GLI3: variants seen among roughly 807,000 people sequenced by gnomAD.
GLI3 encodes GLI family zinc finger 3.
In GLI3, 20 loss-of-function variants were observed where a neutral mutation model predicts 100.8. The observed-to-expected ratio is 0.20, with a 90% CI of 0.14 to 0.29. GLI3 has a LOEUF of 0.29. Among genes scored for constraint, GLI3 ranks in the 10% least tolerant of loss-of-function variants. GLI3 has a pLI of 1.00. For synonymous variants in GLI3, 938 were observed against 860.5 expected (o/e 1.09, Z -1.58); for missense variants, 2,040 against 2,128.5 (o/e 0.96, Z 0.82).
rs568484990 is a variant in GLI3 at position 42,059,505 on chromosome 7, A to G, written c.474-10809T>C. 3.6e-4 allele frequency among the ~76,000 whole-genome samples: 54 copies of G among 150,782 alleles called. No homozygotes were observed. The South Asian group carries it at 0.011, about 31-fold the overall frequency. Reference sequence around the variant, plus strand: ...AATTACAAATTATAAATTAATTAATATAATAAAAATAAATATAATTCATTA... The same window carrying G: ...AATTACAAATTATAAATTAATTAATGTAATAAAAATAAATATAATTCATTA... On this transcript the variant is annotated intron_variant, in intron 4 of 14. Coordinates refer to ENST00000395925, the MANE Select transcript of GLI3 (RefSeq NM_000168.6).
intron 2 of GLI3, among the ~76,000 whole-genome samples, chr7:42,189,815 A>G (rs1276652041): frequency 2.0e-5 from 3 of 152,188 alleles, no homozygotes; most frequent in African/African-American, 7.2e-5. Context: ...AGGATGAATC[A>G]TTTCCTTTCT....
intron 2 of GLI3, among the ~76,000 whole-genome samples, chr7:42,176,513 C>T (rs1421817451): frequency 6.6e-6 from 1 of 152,136 alleles, no homozygotes; most frequent in Non-Finnish European, 1.5e-5. Flanking sequence ...CAAACAGATG[C>T]CCAGAGAGGC....
chr7:42,149,822 T>A (rs1019912192), intron 2 of GLI3, among the ~76,000 whole-genome samples: 2 of 152,220 alleles, frequency 1.3e-5, no homozygotes, highest in African/African-American at 4.8e-5. Context: ...AACATAAGAA[T>A]AATGCTTTAG....
At chr7:42,135,414 T>A (rs1242313846) in intron 3 of GLI3, among the ~76,000 whole-genome samples, 1 of 152,226 alleles carries the variant, frequency 6.6e-6, no homozygotes, top group African/African-American at 2.4e-5. Context: ...ACATGTATCT[T>A]TATCTCACAG....
chr7:41,971,975 T>C (rs1787374472), intron 13 of GLI3, among the ~76,000 whole-genome samples: 3 of 152,220 alleles, frequency 2.0e-5, no homozygotes, highest in Admixed American at 2.0e-4. Flanking sequence ...ATATGGGCCA[T>C]GGCCTATTTA....
chr7:41,967,978 G>C (rs1276306748), intron 13 of GLI3, 55 bp from the exon 14 acceptor site: 1 of 1,383,750 alleles, frequency 7.2e-7, no homozygotes, highest in African/African-American at 1.4e-5. Context: ...TCAAGGAAAG[G>C]GAGCCAATAA....
At chr7:42,040,385 C>T (rs1376600915) in intron 6 of GLI3, 146 bp from the exon 7 acceptor site, 1 of 701,764 alleles carries the variant, frequency 1.4e-6, no homozygotes, top group Non-Finnish European at 2.6e-6. Context: ...ATGTGATCTA[C>T]TAGCTACAGT....
At position 42,180,626 on chromosome 7, in the gene GLI3, A is replaced by G. The variant is rs562715309; in HGVS notation, c.125-32158T>C. Among the ~76,000 whole-genome samples, 5 of 152,338 alleles carry G rather than the reference A, an allele frequency of 3.3e-5. No individual in the cohort carries two copies. The East Asian group carries it at 9.7e-4, about 29-fold the overall frequency. On this transcript the variant is annotated intron_variant, in intron 2 of 14. Transcript: ENST00000395925. The stretch of plus-strand genomic sequence containing the variant: ...TCAGCATTGCCTTTAGACAGCAGCC[A>G]AACAGTTCGAACAGCTCATCTGTGG...
rs3779171 is a variant in GLI3, at chr7:42,181,490, G to A, written c.125-33022C>T. Among the ~76,000 whole-genome samples the A allele has an allele frequency of 2.3e-3, 348 of 151,954 alleles. 6 individuals are homozygous for A. The East Asian group carries it at 0.03, about 13-fold the overall frequency. Reference sequence around the variant, plus strand: ...TGTGGTGGCGCATGCCTGTGGTCCCGGCTACATGGGAGGCTTAGGTGGGAG... The same window carrying A: ...TGTGGTGGCGCATGCCTGTGGTCCCAGCTACATGGGAGGCTTAGGTGGGAG... On this transcript the variant is annotated intron_variant, in intron 2 of 14. Transcript: ENST00000395925.
At position 41,965,356 on chromosome 7, in the gene GLI3, G is replaced by A. The variant is rs141730566; in HGVS notation, c.3717C>T (p.Thr1239=). The A allele has an allele frequency of 6.2e-6, 10 of 1,613,518 alleles. No homozygotes were observed. The highest frequency in any genetic ancestry group is 4.4e-5 in the South Asian group (4 of 91,026). ...LMLHNSPGSG[T]SGNAFHEQPC... ...GCTGTTCATGGAAGGCGTTTCCACT[G>A]GTGCCACTTCCGGGGCTGTTGTGGA... Residue 1239 remains threonine, a synonymous_variant, in exon 15 of 15, where the codon ACC becomes ACT. Transcript: ENST00000395925.
At chr7:42,235,150 G>T (rs932312647) in intron 1 of GLI3, among the ~76,000 whole-genome samples, 1 of 152,116 alleles carries the variant, frequency 6.6e-6, no homozygotes, top group Non-Finnish European at 1.5e-5. Context: ...TCCTTCAAAA[G>T]AATCTTGACA....
intron 1 of GLI3, among the ~76,000 whole-genome samples, chr7:42,255,268 T>C (rs1789073659): frequency 6.6e-6 from 1 of 152,220 alleles, no homozygotes. Context: ...AATTTGGTCA[T>C]CCTGTTACAC....
At chr7:42,042,514 T>C (rs846318) in intron 6 of GLI3, among the ~76,000 whole-genome samples, 147 of 152,322 alleles carry the variant, frequency 9.7e-4, no homozygotes, top group African/African-American at 3.1e-3. Flanking sequence ...ATAATTGCCC[T>C]TCTCAATGGT....
At chr7:42,007,737 A>G (rs962024098) in intron 10 of GLI3, among the ~76,000 whole-genome samples, 1 of 152,104 alleles carries the variant, frequency 6.6e-6, no homozygotes, top group African/African-American at 2.4e-5. Flanking sequence ...AAAAAAATCT[A>G]AGAAGTTTTT....
intron 1 of GLI3, among the ~76,000 whole-genome samples, chr7:42,249,849 C>T (rs755677656): frequency 6.6e-6 from 1 of 152,146 alleles, no homozygotes; most frequent in South Asian, 2.1e-4. Flanking sequence ...AATCCCAGCA[C>T]TTTGGGAGGC....
At chr7:42,262,677 T>C (rs1017102608) in intron 1 of GLI3, among the ~76,000 whole-genome samples, 1 of 152,232 alleles carries the variant, frequency 6.6e-6, no homozygotes, top group African/African-American at 2.4e-5. Flanking sequence ...CAGTGCAACA[T>C]TTTAAAGAAT....
At chr7:42,244,951 G>A (rs1788957472) in intron 1 of GLI3, among the ~76,000 whole-genome samples, 1 of 152,174 alleles carries the variant, frequency 6.6e-6, no homozygotes, top group Non-Finnish European at 1.5e-5. Flanking sequence ...AGTTTTTAGA[G>A]ACTTTTAAAA....
chr7:42,079,653 G>C (rs1434444992), intron 3 of GLI3, among the ~76,000 whole-genome samples: 1 of 152,206 alleles, frequency 6.6e-6, no homozygotes, highest in Non-Finnish European at 1.5e-5. Context: ...CATCGCACAT[G>C]CACCAGTTTA....
chr7:42,056,636 T>G (rs923651835), intron 4 of GLI3, among the ~76,000 whole-genome samples: 6 of 152,194 alleles, frequency 3.9e-5, no homozygotes, highest in South Asian at 4.1e-4. Context: ...TGATGAAACA[T>G]TACTTCAAGA....
Sources: allele counts gnomAD v4.1 joint callset (sites outside exome capture counted in the v4.1 genomes callset), GRCh38; gene constraint gnomAD v4.1.1; transcripts MANE v1.5; gene names NCBI Gene and HGNC (gene_info 2026-07-23, HGNC 2026-07-21).